MINDY4: variants seen among roughly 807,000 people sequenced by gnomAD.
MINDY4 encodes the protein probable ubiquitin carboxyl-terminal hydrolase MINDY-4.
In MINDY4, 68 loss-of-function variants were observed where a neutral mutation model predicts 87.0. The observed-to-expected ratio is 0.78, with a 90% CI of 0.64 to 0.96. MINDY4 has a LOEUF of 0.96. MINDY4 is among the 40% of genes least tolerant of loss of function. The pLI, the probability that MINDY4 is intolerant of heterozygous loss-of-function variation, is 0.00. For synonymous variants in MINDY4, 379 were observed against 363.2 expected (o/e 1.04, Z -0.50); for missense variants, 919 against 928.2 (o/e 0.99, Z 0.13).
intron 5 of MINDY4, among the ~76,000 whole-genome samples, chr7:30,801,594 T>C (rs1050850337): frequency 6.6e-6 from 1 of 152,074 alleles, no homozygotes; most frequent in Non-Finnish European, 1.5e-5. Context: ...TCCTTCTGAT[T>C]GCTGGCCTCC....
At chr7:30,862,546 AATG>A (rs1562558367) in intron 13 of MINDY4, among the ~76,000 whole-genome samples, 2 of 152,320 alleles carry the variant, frequency 1.3e-5, no homozygotes. Context: ...TTCGCAGGGC[AATG>A]ATAACAGTTC....
chr7:30,781,945 A>G lies in MINDY4; in HGVS notation c.184-32A>G, dbSNP rs780374166. On this transcript the variant is annotated intron_variant, in intron 2 of 17. Coordinates refer to ENST00000265299, the MANE Select transcript of MINDY4 (RefSeq NM_032222.3). ...CACTCTTCCCTGAAGCTGTATATAAATTAATGATTTTTTTTTCTCTCCCAA... is the reference window on the plus strand; with the variant it reads ...CACTCTTCCCTGAAGCTGTATATAAGTTAATGATTTTTTTTTCTCTCCCAA... 2.0e-6 allele frequency: 3 copies of G among 1,493,014 alleles called. No homozygotes were observed. The South Asian group carries it at 3.5e-5, about 17-fold the overall frequency. 92.5% of individuals were successfully genotyped at this position (1,493,014 alleles called of 1,614,324 possible).
At chr7:30,800,471 A>G (rs1361472241) in intron 5 of MINDY4, among the ~76,000 whole-genome samples, 3 of 152,174 alleles carry the variant, frequency 2.0e-5, no homozygotes, top group Non-Finnish European at 4.4e-5. Flanking sequence ...CAGAGGTGTC[A>G]TAGCCCAGGT....
In MINDY4 at chr7:30,785,905, T is replaced by C. The variant is rs1787147244; in HGVS notation, c.576T>C (p.Asp192=). Residue 192 remains aspartate, a synonymous_variant, in exon 4 of 18, where the codon GAT becomes GAC. Coordinates refer to ENST00000265299, the MANE Select transcript of MINDY4 (RefSeq NM_032222.3). ...AGCTTCACTCGGAGCCTTCCTTGGA[T>C]GTGAAGAGGATGGGAGAGAATTCCA... is the stretch of plus-strand genomic sequence containing the variant. The part of the protein sequence containing the change: ...IDKLHSEPSL[D]VKRMGENSRP... 6.2e-7 allele frequency: 1 copy of C among 1,614,192 alleles called. No individual in the cohort carries two copies. The highest frequency in any genetic ancestry group is 8.5e-7 in the Non-Finnish European group (1 of 1,180,040).
chr7:30,848,723 T>C (rs1789305085), intron 9 of MINDY4, among the ~76,000 whole-genome samples: 1 of 152,190 alleles, frequency 6.6e-6, no homozygotes, highest in Admixed American at 6.5e-5. Flanking sequence ...ATGATGGGCT[T>C]CCTGAGGCCA....
At chr7:30,817,773 G>T (rs945231342) in intron 5 of MINDY4, among the ~76,000 whole-genome samples, 1 of 152,220 alleles carries the variant, frequency 6.6e-6, no homozygotes, top group Non-Finnish European at 1.5e-5. Flanking sequence ...TAGCATGTGC[G>T]TGTCCATCCA....
chr7:30,860,644 T>TG (rs1267008277), intron 13 of MINDY4, among the ~76,000 whole-genome samples: 1 of 150,610 alleles, frequency 6.6e-6, no homozygotes, highest in African/African-American at 2.5e-5. Flanking sequence ...CCTCTGGCTC[T>TG]GGGAGTCTAG....
At chr7:30,878,461 G>C (rs1256177463) in intron 15 of MINDY4, among the ~76,000 whole-genome samples, 4 of 152,156 alleles carry the variant, frequency 2.6e-5, no homozygotes, top group Admixed American at 6.5e-5. Flanking sequence ...ACCTCCATGG[G>C]CTATCTGTGA....
chr7:30,828,408 G>A (rs976931614), intron 5 of MINDY4, among the ~76,000 whole-genome samples: 5 of 152,046 alleles, frequency 3.3e-5, no homozygotes, highest in African/African-American at 1.2e-4. Context: ...CTTGGCAAAC[G>A]CCAACCTACA....
At position 30,785,877 on chromosome 7, in the gene MINDY4, A is replaced by T. The variant is rs34357272; in HGVS notation, c.548A>T (p.Asp183Val). 4 of 1,614,250 alleles carry T rather than the reference A, an allele frequency of 2.5e-6. No homozygotes were observed. In the East Asian group the frequency reaches 8.9e-5, roughly 36 times the overall value. Reference protein sequence around the residue: ...PVLTSAWEKIDKLHSEPSLDV... With the variant: ...PVLTSAWEKIVKLHSEPSLDV... ...TTGACTTCTGCATGGGAGAAGATAG[A>T]CAAGCTTCACTCGGAGCCTTCCTTG... The change falls in exon 4 of 18, where the codon GAC becomes GTC. Residue 183 changes from aspartate to valine, a missense_variant. Asp to Val is a radical substitution (Grantham distance 152). Transcript: ENST00000265299.
rs1562525682 is a variant in MINDY4, at chr7:30,771,498, A to T, written c.5A>T (p.Asp2Val). ...GGCAGAGCCAGAGCCAGAGCCATGG[A>T]CAGCCTCTTCGTGGAGGAGGTGGCC... Reference protein sequence around the residue: MDSLFVEEVAAS... With the variant: MVSLFVEEVAAS... The change falls in exon 1 of 18, where the codon GAC becomes GTC. Residue 2 changes from aspartate to valine, a missense_variant. Transcript: ENST00000265299. 2.5e-6 allele frequency: 4 copies of T among 1,605,156 alleles called. No homozygotes were observed. The highest frequency in any genetic ancestry group is 1.7e-6 in the Non-Finnish European group (2 of 1,177,076).
intron 4 of MINDY4, 73 bp downstream of exon 4, chr7:30,786,065 G>A: frequency 6.3e-7 from 1 of 1,579,468 alleles, no homozygotes; most frequent in Non-Finnish European, 8.6e-7. Context: ...GCACGCCTGG[G>A]TTTATTTGGG....
At chr7:30,773,831 G>C (rs1786718161) in intron 1 of MINDY4, among the ~76,000 whole-genome samples, 1 of 152,010 alleles carries the variant, frequency 6.6e-6, no homozygotes, top group Non-Finnish European at 1.5e-5. Flanking sequence ...CATCTATATT[G>C]CATTGTTCCT....
intron 13 of MINDY4, among the ~76,000 whole-genome samples, chr7:30,871,958 T>G (rs1347060726): frequency 1.3e-5 from 2 of 152,156 alleles, no homozygotes; most frequent in African/African-American, 4.8e-5. Context: ...CGTGTCACGC[T>G]TCAGTCGCTG....
chr7:30,812,414 A>C (rs1460375875), intron 5 of MINDY4, among the ~76,000 whole-genome samples: 1 of 152,196 alleles, frequency 6.6e-6, no homozygotes, highest in Non-Finnish European at 1.5e-5. Context: ...ATTTTTCAAA[A>C]TAAAAAAGAG....
In MINDY4 at chr7:30,852,477, C is replaced by T. The variant is rs74930765; in HGVS notation, c.1611+198C>T. 9.8e-4 allele frequency: 578 copies of T among 592,268 alleles called. 1 individual carries two copies. In the African/African-American group the frequency reaches 0.011, roughly 11 times the overall value. The allele number at this position is 592,268 out of a possible 1,614,324, so 36.7% of individuals were successfully genotyped here. On this transcript the variant is annotated intron_variant, in intron 11 of 17. Transcript: ENST00000265299. ...TGGGCTCCTGCTAGAGCTGGCTTTACGGCCAAAAGGCTGACTGGCTTCCTG... is the reference window on the plus strand; with the variant it reads ...TGGGCTCCTGCTAGAGCTGGCTTTATGGCCAAAAGGCTGACTGGCTTCCTG...
At chr7:30,866,552 C>T (rs1353611693) in intron 13 of MINDY4, among the ~76,000 whole-genome samples, 5 of 152,184 alleles carry the variant, frequency 3.3e-5, no homozygotes, top group Non-Finnish European at 5.9e-5. Flanking sequence ...GAGGCAAGAC[C>T]AGTGTGTGAA....
rs143034466 is a variant in MINDY4 at position 30,776,094 on chromosome 7, A to G, written c.64-2338A>G. On this transcript the variant is annotated intron_variant, in intron 1 of 17. Transcript: ENST00000265299. The stretch of plus-strand genomic sequence containing the variant: ...TTTCATGTGATTTGTGAATTGTTCA[A>G]TAGCCTCCTAAATGGTTTCTCCTTA... Among the ~76,000 whole-genome samples, 122 of 152,326 alleles carry G rather than the reference A, an allele frequency of 8.0e-4. 2 individuals carry two copies. Among genetic ancestry groups the G allele is most frequent in the African/African-American group, 2.7e-3 (111 of 41,568 alleles).
At chr7:30,820,602 A>C (rs10155856) in intron 5 of MINDY4, among the ~76,000 whole-genome samples, 55,886 of 151,304 alleles carry the variant, frequency 0.37, 13,098 homozygotes, top group African/African-American at 0.66. Context: ...ATATAAACTT[A>C]CGGTGTCAGG....
Sources: allele counts gnomAD v4.1 joint callset (sites outside exome capture counted in the v4.1 genomes callset), GRCh38; gene constraint gnomAD v4.1.1; transcripts MANE v1.5; gene names NCBI Gene and HGNC (gene_info 2026-07-23, HGNC 2026-07-21).